The following WASHC1 variants were observed in gnomAD, a reference collection of about 807,000 sequenced individuals.
WASHC1 encodes WASH complex subunit 1.
A neutral mutation model predicts 26.1 loss-of-function variants in WASHC1; 11 were observed. The observed-to-expected ratio is 0.42, with a 90% confidence interval of 0.27 to 0.70. The LOEUF (loss-of-function observed/expected upper bound fraction) is 0.70. Among genes scored for constraint, WASHC1 ranks in the 30% least tolerant of loss-of-function variants. The pLI is 0.24. For missense variants in WASHC1, 96 were observed against 304.9 expected (o/e 0.31, Z 5.10); for synonymous variants, 37 against 126.6 (o/e 0.29, Z 4.75).
exon 7 of WASHC1, chr9:17,033 G>T: frequency 6.8e-7 from 1 of 1,474,212 alleles, no homozygotes; most frequent in South Asian, 1.2e-5. Flanking sequence ...AGGGGCAGAG[G>T]GGGCAATGCC....
In WASHC1 at chr9:17,212, G is replaced by A. The variant is rs1458711055; in HGVS notation, c.682-46C>T. On this transcript the variant is annotated intron_variant, in intron 6 of 10. Coordinates refer to ENST00000442898, the Ensembl canonical transcript of WASHC1. ...ATGTGAGAGGTGACAGGGACCTGCAGGGGCAGCCAACAAGACCTTGTGTGC... is the reference window on the plus strand; with the variant it reads ...ATGTGAGAGGTGACAGGGACCTGCAAGGGCAGCCAACAAGACCTTGTGTGC... The A allele has an allele frequency of 9.9e-6, 11 of 1,109,042 alleles. No homozygotes were observed. In the East Asian group the frequency reaches 2.4e-4, roughly 24 times the overall value. The allele number at this position is 1,109,042 out of a possible 1,614,324, so 68.7% of individuals were successfully genotyped here. A position where few individuals can be genotyped will look rare whatever the true frequency, so the allele number is the denominator to read the frequency against.
chr9:14,641 T>A (rs2130323100), exon 11 of WASHC1: 1 of 1,210,528 alleles, frequency 8.3e-7, no homozygotes, highest in African/African-American at 1.6e-5. Context: ...CCGCCCCAGC[T>A]GTGTGGCCTC....
At chr9:21,403 CT>C (rs1485258137) in intron 2 of WASHC1, among the ~76,000 whole-genome samples, 4 of 151,246 alleles carry the variant, frequency 2.6e-5, no homozygotes, top group East Asian at 2.0e-4. Context: ...GTCGTTTCCT[CT>C]GAATGTCTCA....
At chr9:28,725 T>C (rs1423819469) in intron 1 of WASHC1, 1 of 128,954 alleles carries the variant, frequency 7.8e-6, no homozygotes, top group African/African-American at 3.1e-5. Flanking sequence ...TTTGCATCTA[T>C]GAAGTTTTTT....
chr9:23,905 GC>G (rs1442803092), intron 2 of WASHC1, among the ~76,000 whole-genome samples: 101 of 82,924 alleles, frequency 1.2e-3, no homozygotes, highest in South Asian at 3.6e-3. Context: ...GGTCAGCACT[GC>G]CAATACAAGA....
exon 11 of WASHC1, chr9:14,865 G>A (rs766152762): frequency 1.4e-6 from 2 of 1,412,756 alleles, no homozygotes; most frequent in South Asian, 1.2e-5. Flanking sequence ...TGGCGGCAAA[G>A]GAGGGATGGA....
At chr9:22,190 C>G (rs1277177167) in intron 2 of WASHC1, among the ~76,000 whole-genome samples, 135 of 143,832 alleles carry the variant, frequency 9.4e-4, no homozygotes, top group African/African-American at 3.7e-3. Flanking sequence ...GCTCCTCAGT[C>G]TAAGCCAAGT....
rs372772202 is a variant in WASHC1, at chr9:17,044, G to A, written c.804C>T (p.Pro268=). The change falls in exon 7 of 11, where the codon CCC becomes CCT. Residue 268 remains proline, a synonymous_variant. Coordinates refer to ENST00000442898, the Ensembl canonical transcript of WASHC1. ...TGCCAGGGGCAGAGGGGGCAATGCC[G>A]GGGCCCAGGTCGGCACTGTACATGA... is the stretch of plus-strand genomic sequence containing the variant. The A allele has an allele frequency of 1.7e-4, 252 of 1,481,148 alleles. 19 individuals are homozygous for A. In the East Asian group the frequency reaches 3.7e-3, roughly 21 times the overall value. The allele number at this position is 1,481,148 out of a possible 1,614,324, so 91.8% of individuals were successfully genotyped here.
exon 10 of WASHC1, chr9:15,119 A>G (rs1223781052): frequency 1.3e-5 from 8 of 609,866 alleles, no homozygotes; most frequent in South Asian, 1.1e-4. Flanking sequence ...GAGATCCGAC[A>G]TCAAGTGCCC....
Position 23,293 on chromosome 9 carries a change from TTTGA to T in WASHC1, c.149+1554_149+1557del, listed in dbSNP as rs1817124375. ...GGCACTGTTCCATTCCTTTGCATGTTTTGATTAATTTAATATTTAAAATAATTCT... is the reference window on the plus strand; with the variant it reads ...GGCACTGTTCCATTCCTTTGCATGTTTTAATTTAATATTTAAAATAATTCT... On this transcript the variant is annotated intron_variant, in intron 2 of 10. Transcript: ENST00000442898. Among the ~76,000 whole-genome samples the T allele has an allele frequency of 4.9e-5, 3 of 61,022 alleles. No individual in the cohort carries two copies. In the South Asian group the frequency reaches 1.7e-3, roughly 34 times the overall value. The allele number at this position is 61,022 out of a possible 152,430, so 40.0% of individuals were successfully genotyped here.
intron 1 of WASHC1, among the ~76,000 whole-genome samples, chr9:27,309 G>C (rs1320509233): frequency 6.2e-5 from 5 of 80,348 alleles, no homozygotes; most frequent in African/African-American, 1.5e-4. Context: ...CTAGAAGAAA[G>C]AATGATAAAC....
Position 14,886 on chromosome 9 carries a change from C to T in WASHC1, c.1319G>A (p.Arg440His), listed in dbSNP as rs566352560. 119 of 1,359,608 alleles carry T rather than the reference C, an allele frequency of 8.8e-5. 5 individuals carry two copies. The African/African-American group carries it at 1.7e-3, about 19-fold the overall frequency. The allele number at this position is 1,359,608 out of a possible 1,614,324, so 84.2% of individuals were successfully genotyped here. Residue 440 changes from arginine (R) to histidine (H), a missense_variant, in exon 11 of 11, where the codon CGC becomes CAC. Physicochemically the swap from Arg to His is conservative, Grantham distance 29. Transcript: ENST00000442898. Reference sequence around the variant, plus strand: ...CAAAGGAGGGATGGAGTCTGACACGCGGACAAAGGCTCCTCCGGGCCCCTC... The same window carrying T: ...CAAAGGAGGGATGGAGTCTGACACGTGGACAAAGGCTCCTCCGGGCCCCTC...
intron 1 of WASHC1, among the ~76,000 whole-genome samples, chr9:25,666 A>AGATGCG (rs1817311506): frequency 4.8e-5 from 1 of 20,860 alleles, no homozygotes; most frequent in Non-Finnish European, 7.5e-5. Flanking sequence ...AAGGAAAAAC[A>AGATGCG]CTCCTGGAAT....
chr9:14,691 T>C, exon 11 of WASHC1: 1 of 1,214,778 alleles, frequency 8.2e-7, no homozygotes, highest in Non-Finnish European at 1.2e-6. Flanking sequence ...CTCCACACAC[T>C]GCTGGTTCCG....
exon 11 of WASHC1, chr9:14,884 C>A (rs750650734): frequency 2.2e-6 from 3 of 1,361,386 alleles, no homozygotes; most frequent in East Asian, 2.5e-5. Flanking sequence ...GAGTCTGACA[C>A]GCGGACAAAG....
At chr9:28,699 T>C (rs1678870125) in intron 1 of WASHC1, 2 of 97,382 alleles carry the variant, frequency 2.1e-5, no homozygotes, top group South Asian at 5.8e-4. Context: ...TTAATAATGG[T>C]GGGTTTTTTT....
chr9:16,885 CA>C lies in WASHC1; in HGVS notation c.884-10del. On this transcript the variant is annotated splice_polypyrimidine_tract_variant and intron_variant, in intron 7 of 10. Transcript: ENST00000442898. ...TACCCCATCTTGTAGGTCTGAAACA[CA>C]AAGTGTGGGGTGTCTAGGGAAGAAG... The C allele has an allele frequency of 1.4e-6, 1 of 712,206 alleles. No homozygotes were observed. Among genetic ancestry groups the C allele is most frequent in the Non-Finnish European group, 2.0e-6 (1 of 490,388 alleles). The allele number at this position is 712,206 out of a possible 1,614,324, so 44.1% of individuals were successfully genotyped here. A position where few individuals can be genotyped will look rare whatever the true frequency, so the allele number is the denominator to read the frequency against.
chr9:14,863 A>C (rs71509923), exon 11 of WASHC1: 25,686 of 1,238,074 alleles, frequency 0.021, 3,399 homozygotes, highest in African/African-American at 0.039. Flanking sequence ...GGTGGCGGCA[A>C]AGGAGGGATG....
rs761521000 is a variant in WASHC1, at chr9:14,821, C to T, written c.1384G>A (p.Asp462Asn). Residue 462 changes from aspartate (D) to asparagine (N), a missense_variant, in exon 11 of 11, where the codon GAC (aspartate) becomes AAC (asparagine). Coordinates refer to ENST00000442898, the Ensembl canonical transcript of WASHC1. ...CATGGAGCCCCCTACGATTCCCAGT[C>T]GTCCTCGTCCTCCTCTGCCTGTGGC... The T allele has an allele frequency of 1.7e-4, 256 of 1,528,972 alleles. No homozygotes were observed. Among genetic ancestry groups the T allele is most frequent in the Middle Eastern group, 2.4e-4 (1 of 4,190 alleles). The allele number at this position is 1,528,972 out of a possible 1,614,324, so 94.7% of individuals were successfully genotyped here.
Sources: gnomAD v4.1 joint callset for allele counts (sites outside exome capture counted in the v4.1 genomes callset) on GRCh38, gnomAD v4.1.1 for gene constraint, MANE v1.5 for transcripts, NCBI Gene and HGNC (gene_info 2026-07-23, HGNC 2026-07-21) for gene names.